Variants in EDIL3 observed in about 807,000 individuals in gnomAD.
The protein encoded by EDIL3 is EGF-like repeat and discoidin I-like domain-containing protein 3.
EDIL3 carries 37 observed loss-of-function variants against 67.4 expected under a neutral mutation model. The ratio of observed to expected loss-of-function variants is 0.55; its 90% CI spans 0.42 to 0.72. The LOEUF (loss-of-function observed/expected upper bound fraction) is 0.72, where lower values mean the gene tolerates loss of function less well. Among genes scored for constraint, EDIL3 ranks in the 30% least tolerant of loss-of-function variants. The probability of loss-of-function intolerance (pLI) is 0.00; values close to 1 mark genes in which losing one functional copy is unlikely to be tolerated. For missense variants in EDIL3, 527 were observed against 586.3 expected (o/e 0.90, Z 1.04); for synonymous variants, 195 against 196.3 (o/e 0.99, Z 0.05).
intron 3 of EDIL3, among the ~76,000 whole-genome samples, chr5:84,201,725 T>C (rs1006866006): frequency 6.6e-6 from 1 of 152,046 alleles, no homozygotes; most frequent in African/African-American, 2.4e-5. Context: ...GGTTCCAAAT[T>C]CCCAGAAGTT....
At chr5:84,183,535 T>C (rs1402743147) in intron 3 of EDIL3, among the ~76,000 whole-genome samples, 1 of 152,174 alleles carries the variant, frequency 6.6e-6, no homozygotes, top group East Asian at 1.9e-4. Flanking sequence ...AATCCAACTT[T>C]CCAGTTTTGC....
At chr5:84,221,591 G>A (rs12655876) in intron 3 of EDIL3, among the ~76,000 whole-genome samples, 2 of 151,870 alleles carry the variant, frequency 1.3e-5, no homozygotes, top group Non-Finnish European at 2.9e-5. Flanking sequence ...GCACTATTTG[G>A]TCTTTCCACT....
At chr5:84,183,760 A>G (rs1749054701) in intron 3 of EDIL3, among the ~76,000 whole-genome samples, 2 of 152,122 alleles carry the variant, frequency 1.3e-5, no homozygotes, top group Non-Finnish European at 2.9e-5. Flanking sequence ...CGAGGGAGGA[A>G]TAGAAAATGA....
intron 6 of EDIL3, among the ~76,000 whole-genome samples, chr5:84,089,449 C>G (rs1221474905): frequency 3.9e-5 from 6 of 152,038 alleles, no homozygotes; most frequent in Non-Finnish European, 8.8e-5. Context: ...TAGTTTAGGC[C>G]CTCCTTATAT....
At chr5:83,950,246 G>A (rs1219137453) in intron 10 of EDIL3, among the ~76,000 whole-genome samples, 1 of 151,796 alleles carries the variant, frequency 6.6e-6, no homozygotes, top group Non-Finnish European at 1.5e-5. Flanking sequence ...AATTTTAGTT[G>A]TGTTTGTGAG....
intron 5 of EDIL3, among the ~76,000 whole-genome samples, chr5:84,113,924 A>T (rs1186075863): frequency 6.6e-6 from 1 of 152,192 alleles, no homozygotes; most frequent in East Asian, 1.9e-4. Flanking sequence ...ATTGTGCTGA[A>T]TGCAAGCACT....
chr5:84,036,727 A>T (rs746631008), intron 9 of EDIL3, among the ~76,000 whole-genome samples: 3 of 152,170 alleles, frequency 2.0e-5, no homozygotes, highest in Non-Finnish European at 4.4e-5. Flanking sequence ...GCTCTGTGAG[A>T]GAACTGTTCT....
Position 84,305,964 on chromosome 5 carries a change from A to G in EDIL3, c.68-51752T>C, listed in dbSNP as rs529421824. On this transcript the variant is annotated intron_variant, in intron 1 of 10. Coordinates refer to ENST00000296591, the MANE Select transcript of EDIL3 (RefSeq NM_005711.5). Reference sequence around the variant, plus strand: ...AATACACTGTGTGCATATTGTCCTTACTTTCATGTCATGTCCCCCCAGATT... The same window carrying G: ...AATACACTGTGTGCATATTGTCCTTGCTTTCATGTCATGTCCCCCCAGATT... Among the ~76,000 whole-genome samples the G allele has an allele frequency of 1.3e-3, 198 of 152,104 alleles. 1 individual carries two copies. The highest frequency in any genetic ancestry group is 2.1e-3 in the Non-Finnish European group (145 of 68,012).
chr5:84,375,400 T>G (rs967182746), intron 1 of EDIL3, among the ~76,000 whole-genome samples: 1 of 152,092 alleles, frequency 6.6e-6, no homozygotes, highest in African/African-American at 2.4e-5. Flanking sequence ...GTTGAATAAT[T>G]CTTCACATAA....
chr5:84,006,084 A>G (rs1160931386), intron 9 of EDIL3, among the ~76,000 whole-genome samples: 1 of 147,906 alleles, frequency 6.8e-6, no homozygotes, highest in Non-Finnish European at 1.5e-5. Flanking sequence ...AGCATTAATA[A>G]TAATAATAAT....
intron 5 of EDIL3, among the ~76,000 whole-genome samples, chr5:84,116,457 G>A (rs1412264632): frequency 1.3e-5 from 2 of 152,028 alleles, no homozygotes; most frequent in Non-Finnish European, 2.9e-5. Context: ...AATCAGAAAA[G>A]TATTAGGTTG....
At chr5:83,972,373 T>C (rs557596261) in intron 9 of EDIL3, among the ~76,000 whole-genome samples, 1 of 152,136 alleles carries the variant, frequency 6.6e-6, no homozygotes, top group Non-Finnish European at 1.5e-5. Flanking sequence ...GATGTCACAG[T>C]TCACACACTG....
intron 1 of EDIL3, among the ~76,000 whole-genome samples, chr5:84,282,358 CAT>C (rs1236373297): frequency 6.6e-6 from 1 of 152,090 alleles, no homozygotes; most frequent in African/African-American, 2.4e-5. Context: ...CTAAATTTTA[CAT>C]ATGTTATCAA....
intron 1 of EDIL3, among the ~76,000 whole-genome samples, chr5:84,292,728 G>A (rs1263568288): frequency 6.6e-6 from 1 of 151,886 alleles, no homozygotes; most frequent in Non-Finnish European, 1.5e-5. Context: ...GAAACTCATG[G>A]GTATATTGAA....
At chr5:84,161,589 T>C (rs768414223) in intron 4 of EDIL3, among the ~76,000 whole-genome samples, 16 of 152,146 alleles carry the variant, frequency 1.1e-4, no homozygotes, top group Admixed American at 7.2e-4. Context: ...TGATTATTTC[T>C]AGGTAATAAA....
At chr5:84,267,821 T>C (rs1745380190) in intron 1 of EDIL3, among the ~76,000 whole-genome samples, 1 of 152,232 alleles carries the variant, frequency 6.6e-6, no homozygotes, top group Non-Finnish European at 1.5e-5. Flanking sequence ...TTTGGAAGCC[T>C]GAGGTTGCAC....
intron 10 of EDIL3, among the ~76,000 whole-genome samples, chr5:83,956,157 C>T (rs1744510533): frequency 6.6e-6 from 1 of 151,726 alleles, no homozygotes; most frequent in Admixed American, 6.6e-5. Flanking sequence ...AGCCCTCTCT[C>T]TGCTCATCTC....
chr5:84,312,875 A>C (rs1335754951), intron 1 of EDIL3, among the ~76,000 whole-genome samples: 1 of 152,236 alleles, frequency 6.6e-6, no homozygotes, highest in East Asian at 1.9e-4. Flanking sequence ...TATAAACACA[A>C]TTTTAGCATA....
chr5:84,159,282 T>C (rs184037164), intron 4 of EDIL3, among the ~76,000 whole-genome samples: 1 of 152,234 alleles, frequency 6.6e-6, no homozygotes, highest in African/African-American at 2.4e-5. Flanking sequence ...ACAGTCATTG[T>C]TACAGGTATT....
Sources: gnomAD v4.1 joint callset for allele counts (sites outside exome capture counted in the v4.1 genomes callset) on GRCh38, gnomAD v4.1.1 for gene constraint, MANE v1.5 for transcripts, NCBI Gene and HGNC (gene_info 2026-07-23, HGNC 2026-07-21) for gene names.